The following ARMC2 variants were observed in gnomAD, a reference collection of about 807,000 sequenced individuals.
The protein encoded by ARMC2 is armadillo repeat-containing protein 2.
ARMC2 carries 67 observed loss-of-function variants against 90.3 expected under a neutral mutation model. The ratio of observed to expected loss-of-function variants is 0.74; its 90% confidence interval spans 0.61 to 0.91. The LOEUF (loss-of-function observed/expected upper bound fraction) is 0.91, where lower values mean the gene tolerates loss of function less well. Among genes scored for constraint, ARMC2 ranks in the 40% least tolerant of loss-of-function variants. The probability of loss-of-function intolerance (pLI) is 0.00; values close to 1 mark genes in which losing one functional copy is unlikely to be tolerated. For missense variants in ARMC2, 920 were observed against 1,030.9 expected (o/e 0.89, Z 1.47); for synonymous variants, 393 against 393.0 (o/e 1.00, Z 0.00).
intron 1 of ARMC2, among the ~76,000 whole-genome samples, chr6:108,849,926 C>T (rs555759945): frequency 6.6e-5 from 10 of 152,300 alleles, no homozygotes; most frequent in Admixed American, 3.3e-4. Context: ...TTTGGATGCT[C>T]ATATTAATAC....
chr6:108,999,381 ATCTT>A, the ARMC2 span, among the ~76,000 whole-genome samples: 1 of 152,174 alleles, frequency 6.6e-6, no homozygotes, highest in Non-Finnish European at 1.5e-5. Context: ...TCTTGATAAT[ATCTT>A]TAATTATCTA....
At chr6:108,867,704 G>A (rs912607137) in intron 3 of ARMC2, among the ~76,000 whole-genome samples, 1 of 152,156 alleles carries the variant, frequency 6.6e-6, no homozygotes, top group African/African-American at 2.4e-5. Context: ...CTGGGAGGCG[G>A]AGGTTGCGGT....
At chr6:108,995,189 C>G in the ARMC2 span, among the ~76,000 whole-genome samples, 1 of 151,998 alleles carries the variant, frequency 6.6e-6, no homozygotes, top group African/African-American at 2.4e-5. Context: ...ATGTCATTAC[C>G]ATTTATGCTG....
the ARMC2 span, among the ~76,000 whole-genome samples, chr6:109,039,041 A>G: frequency 2.3e-3 from 274 of 118,802 alleles, no homozygotes; most frequent in South Asian, 6.4e-3. Context: ...AAGAAAGAAG[A>G]AGGAGGGAGA....
At position 108,907,477 on chromosome 6, in the gene ARMC2, T is replaced by TTTA. The variant is rs58992504; in HGVS notation, c.1023+3072_1023+3073insTTA. 5.0e-4 allele frequency: 174 copies of TTTA among 348,302 alleles called. 1 individual carries two copies. The highest frequency in any genetic ancestry group is 1.8e-3 in the East Asian group (43 of 24,022). 21.6% of individuals were successfully genotyped at this position (348,302 alleles called of 1,614,324 possible). A position where few individuals can be genotyped will look rare whatever the true frequency, so the allele number is the denominator to read the frequency against. ...TTCTTTCTTTTTTTTTTTTTTTTTT[T>TTTA]ACCAGTCATCTTTTATTTGGAGGTT... On this transcript the variant is annotated intron_variant, in intron 8 of 17. Transcript: ENST00000392644.
chr6:108,880,540 A>G (rs1777421677), intron 5 of ARMC2, among the ~76,000 whole-genome samples: 2 of 152,236 alleles, frequency 1.3e-5, no homozygotes, highest in South Asian at 2.1e-4. Flanking sequence ...GGGAAGTGGT[A>G]CATAAACAAA....
rs144442630 is a variant in ARMC2 at position 108,887,998 on chromosome 6, C to T, written c.672-6469C>T. ...GCAGGAAAAGATTAGAGACACCCAC[C>T]ACTGTGACGTGACCACCAAACCGCT... is the stretch of plus-strand genomic sequence containing the variant. On this transcript the variant is annotated intron_variant, in intron 5 of 17. Coordinates refer to ENST00000392644, the MANE Select transcript of ARMC2 (RefSeq NM_032131.6). Among the ~76,000 whole-genome samples the T allele has an allele frequency of 2.0e-5, 3 of 152,278 alleles. No individual in the cohort carries two copies. In the East Asian group the frequency reaches 5.8e-4, roughly 29 times the overall value.
In ARMC2 at chr6:108,953,085, A is replaced by G; in HGVS notation, c.1649A>G (p.Asn550Ser). The G allele has an allele frequency of 1.2e-6, 2 of 1,613,700 alleles. No homozygotes were observed. The highest frequency in any genetic ancestry group is 1.7e-6 in the Non-Finnish European group (2 of 1,179,764). Residue 550 changes from asparagine (N) to serine (S), a missense_variant, in exon 13 of 18, where the codon AAC (asparagine) becomes AGC (serine). Transcript: ENST00000392644. Reference protein sequence around the residue: ...FILGNLTAKNNQAREQFSKEK... With the variant: ...FILGNLTAKNSQAREQFSKEK... ...CTTGGCAACCTGACGGCAAAAAATA[A>G]CCAGGCTCGTGAACAATTTTCCAAA... is the stretch of plus-strand genomic sequence containing the variant.
chr6:108,981,340 C>A, the ARMC2 span, among the ~76,000 whole-genome samples: 1 of 152,198 alleles, frequency 6.6e-6, no homozygotes, highest in South Asian at 2.1e-4. Context: ...TAAAAAAACA[C>A]GTAAAATCTA....
intron 13 of ARMC2, among the ~76,000 whole-genome samples, chr6:108,954,207 G>A (rs1310549646): frequency 6.6e-6 from 1 of 152,160 alleles, no homozygotes; most frequent in Non-Finnish European, 1.5e-5. Context: ...TTCAACATAT[G>A]AATTTTGTTG....
At chr6:109,043,460 T>C in the ARMC2 span, among the ~76,000 whole-genome samples, 1 of 152,086 alleles carries the variant, frequency 6.6e-6, no homozygotes, top group African/African-American at 2.4e-5. Context: ...ATTATGTACA[T>C]AGAAAATCCC....
At chr6:108,904,970 CA>C (rs532965160) in intron 8 of ARMC2, among the ~76,000 whole-genome samples, 2 of 149,950 alleles carry the variant, frequency 1.3e-5, no homozygotes, top group African/African-American at 2.4e-5. Flanking sequence ...GGCCAGACAC[CA>C]AAAAAAAAGT....
chr6:108,861,541 G>T (rs747216626), intron 3 of ARMC2, among the ~76,000 whole-genome samples: 1 of 152,132 alleles, frequency 6.6e-6, no homozygotes, highest in Non-Finnish European at 1.5e-5. Context: ...TATTTTTAAA[G>T]TATTTATCAG....
intron 10 of ARMC2, among the ~76,000 whole-genome samples, chr6:108,917,649 T>G (rs991330959): frequency 1.3e-5 from 2 of 152,094 alleles, no homozygotes; most frequent in Admixed American, 6.6e-5. Context: ...TTTTTAAATT[T>G]TAATATATAT....
At chr6:108,865,486 A>G (rs764367911) in intron 3 of ARMC2, among the ~76,000 whole-genome samples, 16 of 152,230 alleles carry the variant, frequency 1.1e-4, no homozygotes, top group Admixed American at 2.0e-4. Flanking sequence ...TGCTTTACAT[A>G]TGTCACTTTA....
chr6:109,041,366 C>T, the ARMC2 span, among the ~76,000 whole-genome samples: 3 of 151,816 alleles, frequency 2.0e-5, no homozygotes, highest in Non-Finnish European at 2.9e-5. Context: ...TAGCAGATGA[C>T]CTTTTGCTAT....
chr6:108,855,341 C>T (rs891279449), intron 2 of ARMC2, among the ~76,000 whole-genome samples: 2 of 151,626 alleles, frequency 1.3e-5, no homozygotes, highest in African/African-American at 4.8e-5. Flanking sequence ...CTCTGCCTCC[C>T]GGGTTCACGC....
chr6:109,008,955 G>A, the ARMC2 span: 2 of 995,824 alleles, frequency 2.0e-6, no homozygotes, highest in Admixed American at 6.0e-5. Context: ...CACAAGACAA[G>A]ACAATCGAGG....
At chr6:108,879,234 A>G (rs2128441501) in intron 5 of ARMC2, among the ~76,000 whole-genome samples, 1 of 150,284 alleles carries the variant, frequency 6.7e-6, no homozygotes, top group Non-Finnish European at 1.5e-5. Context: ...ATATCTCCCC[A>G]TCCATCCACC....
Sources: gnomAD v4.1 joint callset for allele counts (sites outside exome capture counted in the v4.1 genomes callset) on GRCh38, gnomAD v4.1.1 for gene constraint, MANE v1.5 for transcripts, NCBI Gene and HGNC (gene_info 2026-07-23, HGNC 2026-07-21) for gene names.